TP53BP1: variants seen among roughly 807,000 people sequenced by gnomAD.
TP53BP1 encodes tumor protein p53 binding protein 1, also known as TP53-binding protein 1.
Under a neutral mutation model 200.8 loss-of-function variants are expected in TP53BP1, and 61 were observed. The observed-to-expected ratio is 0.30, with a 90% confidence interval of 0.25 to 0.38. TP53BP1 has a LOEUF of 0.38. Ranked by LOEUF, TP53BP1 falls within the 10% of genes least tolerant of loss-of-function variation. The pLI, the probability that TP53BP1 is intolerant of heterozygous loss-of-function variation, is 1.00. For missense variants in TP53BP1, 2,144 were observed against 2,371.9 expected (o/e 0.90, Z 2.00); for synonymous variants, 822 against 844.3 (o/e 0.97, Z 0.46).
chr15:43,455,628 G>A (rs1038740817), intron 12 of TP53BP1, among the ~76,000 whole-genome samples: 8 of 151,746 alleles, frequency 5.3e-5, no homozygotes, highest in East Asian at 1.9e-4. Flanking sequence ...GCTGAGGCAC[G>A]AGAAATCACT....
chr15:43,470,065 A>C lies in TP53BP1; in HGVS notation c.1182T>G (p.Asp394Glu). 1 of 1,612,104 alleles carries C rather than the reference A, an allele frequency of 6.2e-7. No individual in the cohort carries two copies. Among genetic ancestry groups the C allele is most frequent in the Non-Finnish European group, 8.5e-7 (1 of 1,179,626 alleles). The change falls in exon 11 of 28, where the codon GAT becomes GAG. Residue 394 changes from aspartate to glutamate, a missense_variant and splice_region_variant. Physicochemically the swap from Asp to Glu is conservative, Grantham distance 45. Transcript: ENST00000382044. ...SSPTEQEGRQDKPMDTSVLSE... is the reference protein window; with the variant it reads ...SSPTEQEGRQEKPMDTSVLSE... ...ATAACACTGACGTGTCCATTGGCTT[A>C]TCTGGTTTAAAACAGGAGAAACAAA...
At chr15:43,473,693 G>A (rs1473842971) in intron 10 of TP53BP1, among the ~76,000 whole-genome samples, 2 of 152,068 alleles carry the variant, frequency 1.3e-5, no homozygotes, top group Admixed American at 1.3e-4. Flanking sequence ...GGTGCTGACT[G>A]GTGTGTTTAC....
chr15:43,496,104 C>T (rs1249865700), upstream of TP53BP1, among the ~76,000 whole-genome samples: 3 of 152,144 alleles, frequency 2.0e-5, no homozygotes, highest in African/African-American at 7.2e-5. Context: ...CCTAAACCAC[C>T]TTAGACAGAG....
At chr15:43,497,635 A>G (rs1162894299), upstream of TP53BP1, 1 of 176,706 alleles carries the variant, frequency 5.7e-6, no homozygotes, top group African/African-American at 2.4e-5. Context: ...CAAAAGAACA[A>G]ATATTGTGTG....
intron 27 of TP53BP1, 33 bp downstream of exon 27, chr15:43,407,910 G>T: frequency 6.3e-7 from 1 of 1,595,336 alleles, no homozygotes; most frequent in Non-Finnish European, 8.5e-7. Flanking sequence ...GAGATCCCTG[G>T]AACAAAGACA....
chr15:43,429,879 G>A (rs689767), intron 17 of TP53BP1, among the ~76,000 whole-genome samples: 2 of 151,942 alleles, frequency 1.3e-5, no homozygotes, highest in Non-Finnish European at 2.9e-5. Flanking sequence ...AGACTATTCC[G>A]CACTAAAGAG....
intron 11 of TP53BP1, among the ~76,000 whole-genome samples, chr15:43,457,888 G>A (rs2046339097): frequency 1.3e-5 from 2 of 151,604 alleles, no homozygotes; most frequent in African/African-American, 2.4e-5. Context: ...GTGGGGTGGT[G>A]CATGGCTGTA....
intron 14 of TP53BP1, among the ~76,000 whole-genome samples, chr15:43,445,959 C>T (rs2046032636): frequency 6.6e-6 from 1 of 152,162 alleles, no homozygotes; most frequent in African/African-American, 2.4e-5. Flanking sequence ...TAAAATTCTT[C>T]GGCTTCTCAG....
At chr15:43,458,324 C>A (rs1341730676) in intron 11 of TP53BP1, among the ~76,000 whole-genome samples, 1 of 151,614 alleles carries the variant, frequency 6.6e-6, no homozygotes, top group East Asian at 1.9e-4. Context: ...CCCAGCTACT[C>A]ACAAGGCTGA....
chr15:43,457,729 A>C (rs1180305844), intron 11 of TP53BP1, among the ~76,000 whole-genome samples: 2 of 150,702 alleles, frequency 1.3e-5, no homozygotes, highest in East Asian at 3.9e-4. Flanking sequence ...CAGGTATTAA[A>C]ATCCAGTGGC....
At chr15:43,444,992 A>G (rs1352325331) in intron 14 of TP53BP1, among the ~76,000 whole-genome samples, 1 of 152,148 alleles carries the variant, frequency 6.6e-6, no homozygotes, top group Non-Finnish European at 1.5e-5. Context: ...TAACTCCCGC[A>G]AGCTTAGTGT....
intron 4 of TP53BP1, among the ~76,000 whole-genome samples, chr15:43,485,039 G>A (rs1232260365): frequency 3.3e-5 from 5 of 152,018 alleles, no homozygotes; most frequent in African/African-American, 1.2e-4. Flanking sequence ...TCCTATCAAT[G>A]AAGCACTCCC....
At chr15:43,453,825 G>A (rs1408796289) in intron 12 of TP53BP1, among the ~76,000 whole-genome samples, 4 of 151,686 alleles carry the variant, frequency 2.6e-5, no homozygotes, top group East Asian at 1.9e-4. Flanking sequence ...GATTACAGGC[G>A]TGAGCCACCG....
chr15:43,438,206 G>T, intron 16 of TP53BP1, 118 bp downstream of exon 16: 1 of 768,066 alleles, frequency 1.3e-6, no homozygotes. Context: ...GTTGCACTGG[G>T]GGTTAAGTTT....
chr15:43,404,368 T>A lies in TP53BP1; in HGVS notation c.*3015A>T, dbSNP rs1285974794. On this transcript the variant is annotated 3_prime_UTR_variant, in exon 28 of 28. Transcript: ENST00000382044. ...CCGCCCCCATCCTCCATATGGAGAGTTGGTGAGCTGAAGTGGAATGACAGC... is the reference window on the plus strand; with the variant it reads ...CCGCCCCCATCCTCCATATGGAGAGATGGTGAGCTGAAGTGGAATGACAGC... 1 of 1,610,758 alleles carries A rather than the reference T, an allele frequency of 6.2e-7. No individual in the cohort carries two copies. Among genetic ancestry groups the A allele is most frequent in the African/African-American group, 1.3e-5 (1 of 74,838 alleles).
intron 24 of TP53BP1, among the ~76,000 whole-genome samples, chr15:43,411,690 ACT>A (rs967904983): frequency 2.0e-5 from 3 of 152,208 alleles, no homozygotes; most frequent in African/African-American, 7.2e-5. Flanking sequence ...CCATAACCAC[ACT>A]GTCTATCAGA....
chr15:43,459,231 A>C (rs1252153356), intron 11 of TP53BP1, among the ~76,000 whole-genome samples: 1 of 152,056 alleles, frequency 6.6e-6, no homozygotes, highest in African/African-American at 2.4e-5. Context: ...CCAGCTACCC[A>C]GAGGCTGAGG....
chr15:43,408,762 A>G (rs1889664556), intron 26 of TP53BP1, 135 bp downstream of exon 26: 1 of 846,108 alleles, frequency 1.2e-6, no homozygotes, highest in Non-Finnish European at 1.8e-6. Context: ...TCCTGAAGTC[A>G]TTTCAAACCC....
chr15:43,490,325 T>G (rs1428543729), intron 4 of TP53BP1, among the ~76,000 whole-genome samples: 5 of 151,990 alleles, frequency 3.3e-5, no homozygotes, highest in Non-Finnish European at 7.4e-5. Context: ...TGACCTCAGG[T>G]GATCCGCCCA....
Sources: gnomAD v4.1 joint callset for allele counts (sites outside exome capture counted in the v4.1 genomes callset) on GRCh38, gnomAD v4.1.1 for gene constraint, MANE v1.5 for transcripts, NCBI Gene and HGNC (gene_info 2026-07-23, HGNC 2026-07-21) for gene names.